The following OTOGL variants were observed in gnomAD, a reference collection of about 807,000 sequenced individuals.
OTOGL encodes the protein otogelin like.
OTOGL carries 285 observed loss-of-function variants against 318.5 expected under a neutral mutation model. The observed-to-expected ratio is 0.89, with a 90% confidence interval of 0.81 to 0.99. The LOEUF is 0.99. OTOGL is among the 50% of genes least tolerant of loss of function. The pLI, the probability that OTOGL is intolerant of heterozygous loss-of-function variation, is 0.00. For missense variants in OTOGL, 2,899 were observed against 2,845.6 expected (o/e 1.02, Z -0.43); for synonymous variants, 987 against 936.5 (o/e 1.05, Z -0.99).
At chr12:80,144,760 A>T (rs1872218418) in intron 1 of OTOGL, among the ~76,000 whole-genome samples, 1 of 152,140 alleles carries the variant, frequency 6.6e-6, no homozygotes, top group Non-Finnish European at 1.5e-5. Context: ...AACTAGTGTG[A>T]GATGGTATCT....
At chr12:80,270,840 G>T (rs543782232) in intron 23 of OTOGL, among the ~76,000 whole-genome samples, 1 of 151,812 alleles carries the variant, frequency 6.6e-6, no homozygotes, top group South Asian at 2.1e-4. Flanking sequence ...AGTTACTATG[G>T]GCAAATTCTA....
At chr12:80,170,195 G>GTGTGTGTGTGTGTGTGTA (rs1874098257) in intron 1 of OTOGL, among the ~76,000 whole-genome samples, 1 of 142,598 alleles carries the variant, frequency 7.0e-6, no homozygotes, top group Admixed American at 6.7e-5. Context: ...GTGTGTGTGT[G>GTGTGTGTGTGTGTGTGTA]TGTGTGTGTG....
chr12:80,312,810 T>C (rs1213414093), intron 30 of OTOGL, among the ~76,000 whole-genome samples: 2 of 152,050 alleles, frequency 1.3e-5, no homozygotes, highest in Admixed American at 1.3e-4. Context: ...CTTCTTTTCT[T>C]CTTCTTCTTC....
At chr12:80,254,681 A>C in intron 15 of OTOGL, 111 bp downstream of exon 15, 1 of 837,164 alleles carries the variant, frequency 1.2e-6, no homozygotes, top group Non-Finnish European at 1.8e-6. Flanking sequence ...GGCTACAATA[A>C]TCTGTAAATG....
At chr12:80,137,528 A>AT (rs1565873997) in intron 1 of OTOGL, among the ~76,000 whole-genome samples, 3 of 152,288 alleles carry the variant, frequency 2.0e-5, no homozygotes, top group Non-Finnish European at 1.5e-5. Flanking sequence ...ATGTTTTATC[A>AT]TTTTTCTGCT....
In OTOGL at chr12:80,238,990, G is replaced by A; in HGVS notation, c.945+12G>A. On this transcript the variant is annotated intron_variant, in intron 10 of 58. Coordinates refer to ENST00000547103, the MANE Select transcript of OTOGL (RefSeq NM_001378609.3). The stretch of plus-strand genomic sequence containing the variant: ...TGCCAGCATTTGAGGTAAATTTGAT[G>A]TGAGAAATGTGGGCATGTCAGACAG... 6.3e-7 allele frequency: 1 copy of A among 1,593,308 alleles called. No individual in the cohort carries two copies. Among genetic ancestry groups the A allele is most frequent in the Non-Finnish European group, 8.5e-7 (1 of 1,177,482 alleles).
chr12:80,212,092 G>A, intron 4 of OTOGL, 95 bp downstream of exon 4: 1 of 1,242,592 alleles, frequency 8.0e-7, no homozygotes, highest in East Asian at 2.6e-5. Context: ...TTGTGGAGGG[G>A]AATAAAATGC....
intron 37 of OTOGL, 49 bp downstream of exon 37, chr12:80,329,168 G>A: frequency 1.5e-6 from 2 of 1,339,174 alleles, no homozygotes; most frequent in Non-Finnish European, 2.0e-6. Flanking sequence ...TAGTTTAAGT[G>A]TTGGCTTAAT....
intron 9 of OTOGL, among the ~76,000 whole-genome samples, chr12:80,236,816 C>CTTT (rs1376942990): frequency 3.6e-5 from 5 of 137,606 alleles, no homozygotes; most frequent in Middle Eastern, 3.5e-3. Flanking sequence ...TTTTTCTTTT[C>CTTT]TTTTTTTTTT....
At chr12:80,140,265 C>T (rs1871848872) in intron 1 of OTOGL, among the ~76,000 whole-genome samples, 1 of 152,140 alleles carries the variant, frequency 6.6e-6, no homozygotes, top group Non-Finnish European at 1.5e-5. Context: ...CCAACAACCG[C>T]CTTTATTTCA....
intron 1 of OTOGL, among the ~76,000 whole-genome samples, chr12:80,157,585 T>C (rs1211543076): frequency 6.6e-6 from 1 of 152,174 alleles, no homozygotes; most frequent in Non-Finnish European, 1.5e-5. Context: ...GTTACATCTA[T>C]TTTGTTTAAT....
intron 1 of OTOGL, among the ~76,000 whole-genome samples, chr12:80,143,226 G>C (rs1872071386): frequency 6.6e-6 from 1 of 152,158 alleles, no homozygotes; most frequent in African/African-American, 2.4e-5. Flanking sequence ...CCCCACTATA[G>C]AGTGTTACAT....
chr12:80,162,271 G>A (rs905582072), intron 1 of OTOGL, among the ~76,000 whole-genome samples: 2 of 152,076 alleles, frequency 1.3e-5, no homozygotes, highest in Non-Finnish European at 2.9e-5. Flanking sequence ...AAGTACCATC[G>A]AAATTGCAGT....
chr12:80,113,071 G>C, intron 1 of OTOGL, among the ~76,000 whole-genome samples: 1 of 152,110 alleles, frequency 6.6e-6, no homozygotes, highest in Non-Finnish European at 1.5e-5. Flanking sequence ...CCTGATGGTA[G>C]TTTGTATTTC....
At chr12:80,122,852 T>C (rs1870567454) in intron 1 of OTOGL, among the ~76,000 whole-genome samples, 1 of 152,168 alleles carries the variant, frequency 6.6e-6, no homozygotes, top group Admixed American at 6.6e-5. Flanking sequence ...GCAGTTGCTC[T>C]GCAAGTTGAG....
intron 38 of OTOGL, among the ~76,000 whole-genome samples, chr12:80,333,755 C>A (rs370549083): frequency 6.6e-6 from 1 of 152,068 alleles, no homozygotes; most frequent in Non-Finnish European, 1.5e-5. Flanking sequence ...ATTTGAAAAT[C>A]TTCACTGATA....
chr12:80,251,143 C>T (rs541132061), intron 11 of OTOGL, among the ~76,000 whole-genome samples: 1 of 152,242 alleles, frequency 6.6e-6, no homozygotes, highest in South Asian at 2.1e-4. Flanking sequence ...GGAATAACTA[C>T]GTTTTGGATT....
intron 1 of OTOGL, among the ~76,000 whole-genome samples, chr12:80,149,003 C>G (rs1011866172): frequency 4.6e-5 from 7 of 152,122 alleles, no homozygotes; most frequent in Non-Finnish European, 8.8e-5. Flanking sequence ...GTTTGAATGT[C>G]CTCCTGTAGC....
intron 35 of OTOGL, 59 bp downstream of exon 35, chr12:80,323,899 T>A: frequency 1.5e-6 from 2 of 1,338,918 alleles, no homozygotes; most frequent in Non-Finnish European, 2.1e-6. Context: ...CTGTTTTCAG[T>A]TGATTTTTTT....
Sources: allele counts gnomAD v4.1 joint callset (sites outside exome capture counted in the v4.1 genomes callset), GRCh38; gene constraint gnomAD v4.1.1; transcripts MANE v1.5; gene names NCBI Gene and HGNC (gene_info 2026-07-23, HGNC 2026-07-21).